AOPEP: variants seen among roughly 807,000 people sequenced by gnomAD.
AOPEP encodes the protein aminopeptidase O.
AOPEP carries 77 observed loss-of-function variants against 98.1 expected under a neutral mutation model. The observed-to-expected ratio is 0.78, with a 90% CI of 0.65 to 0.95. The LOEUF is 0.95. AOPEP is among the 40% of genes least tolerant of loss of function. The pLI, the probability that AOPEP is intolerant of heterozygous loss-of-function variation, is 0.00. For missense variants in AOPEP, 1,024 were observed against 1,024.7 expected (o/e 1.00, Z 0.01); for synonymous variants, 346 against 365.3 (o/e 0.95, Z 0.60).
the AOPEP span, among the ~76,000 whole-genome samples, chr9:95,096,432 G>A: frequency 6.6e-6 from 1 of 152,144 alleles, no homozygotes; most frequent in Non-Finnish European, 1.5e-5. Context: ...GGGAGCTGGT[G>A]GGTGCGGGAG....
chr9:94,921,873 G>C (rs1034798187), intron 5 of AOPEP, among the ~76,000 whole-genome samples: 1 of 152,290 alleles, frequency 6.6e-6, no homozygotes, highest in Non-Finnish European at 1.5e-5. Context: ...AGGATGTTCA[G>C]ACTTGGCCTC....
intron 5 of AOPEP, among the ~76,000 whole-genome samples, chr9:94,864,445 G>A (rs1016526104): frequency 6.6e-6 from 1 of 152,102 alleles, no homozygotes; most frequent in African/African-American, 2.4e-5. Flanking sequence ...GAGTTTTTTA[G>A]AGGGGAAAAA....
At chr9:95,050,449 C>T (rs2066244426) in intron 13 of AOPEP, among the ~76,000 whole-genome samples, 1 of 152,184 alleles carries the variant, frequency 6.6e-6, no homozygotes, top group Non-Finnish European at 1.5e-5. Flanking sequence ...GAATCCAAAA[C>T]TGCAGAATTT....
At chr9:94,927,435 T>G (rs1009032891) in intron 6 of AOPEP, among the ~76,000 whole-genome samples, 1 of 152,214 alleles carries the variant, frequency 6.6e-6, no homozygotes, top group Non-Finnish European at 1.5e-5. Flanking sequence ...AATGGTAGTC[T>G]GCTCCAGGCC....
the AOPEP span, among the ~76,000 whole-genome samples, chr9:95,144,233 A>G: frequency 1.3e-5 from 2 of 152,224 alleles, no homozygotes; most frequent in East Asian, 1.9e-4. Context: ...GAAAGTGTCC[A>G]TGGAGAGGCT....
intron 1 of AOPEP, among the ~76,000 whole-genome samples, chr9:94,741,215 A>G (rs984469008): frequency 6.6e-6 from 1 of 152,060 alleles, no homozygotes; most frequent in African/African-American, 2.4e-5. Flanking sequence ...TCTTTAAACC[A>G]TGGAAATTCA....
At chr9:95,117,324 C>G in the AOPEP span, 30 of 1,613,978 alleles carry the variant, frequency 1.9e-5, no homozygotes, top group Non-Finnish European at 1.7e-5. Context: ...CCTTGAGGGT[C>G]TTGCAGCAGC....
At chr9:94,971,513 G>A (rs1332374197) in intron 10 of AOPEP, among the ~76,000 whole-genome samples, 1 of 151,964 alleles carries the variant, frequency 6.6e-6, no homozygotes, top group African/African-American at 2.4e-5. Flanking sequence ...GTCTCCAAAG[G>A]CCCCACACCT....
At chr9:95,125,232 G>A in the AOPEP span, 1 of 1,506,708 alleles carries the variant, frequency 6.6e-7, no homozygotes, top group Non-Finnish European at 9.2e-7. Context: ...AAGTAATCCG[G>A]CAAACATGAA....
At chr9:94,746,525 A>T (rs1195235949) in intron 1 of AOPEP, among the ~76,000 whole-genome samples, 2 of 152,162 alleles carry the variant, frequency 1.3e-5, no homozygotes, top group Admixed American at 6.5e-5. Context: ...ACTCTGCTAT[A>T]ATTTAGTTTA....
intron 13 of AOPEP, among the ~76,000 whole-genome samples, chr9:95,031,176 C>G (rs78138222): frequency 0.039 from 5,869 of 152,208 alleles, 381 homozygotes; most frequent in African/African-American, 0.13. Context: ...GTTAACAGCA[C>G]AAAGTGTTAA....
intron 13 of AOPEP, among the ~76,000 whole-genome samples, chr9:95,040,721 C>T (rs2065213661): frequency 6.6e-6 from 1 of 152,234 alleles, no homozygotes; most frequent in East Asian, 1.9e-4. Context: ...GGTGGGACCA[C>T]ACATGACAGA....
At chr9:94,775,534 T>C (rs1335545460) in intron 3 of AOPEP, among the ~76,000 whole-genome samples, 1 of 152,088 alleles carries the variant, frequency 6.6e-6, no homozygotes, top group Non-Finnish European at 1.5e-5. Context: ...GCCCAACTAA[T>C]TTTTGTATTT....
At chr9:94,988,699 G>C (rs1439386363) in intron 11 of AOPEP, among the ~76,000 whole-genome samples, 2 of 152,146 alleles carry the variant, frequency 1.3e-5, no homozygotes, top group Non-Finnish European at 2.9e-5. Context: ...GTTCTTGCTG[G>C]AAGTCTAGCT....
the AOPEP span, among the ~76,000 whole-genome samples, chr9:95,146,053 A>AT: frequency 1.4e-4 from 21 of 152,216 alleles, no homozygotes; most frequent in East Asian, 2.9e-3. Flanking sequence ...TCCTGACTAG[A>AT]TATGTGATGA....
At chr9:94,902,444 G>C (rs1311650893) in intron 5 of AOPEP, among the ~76,000 whole-genome samples, 6 of 152,134 alleles carry the variant, frequency 3.9e-5, no homozygotes, top group Non-Finnish European at 7.3e-5. Flanking sequence ...CCCCTCTGAG[G>C]ACTAGAAGCA....
chr9:94,783,983 T>G (rs1251678046), intron 3 of AOPEP, among the ~76,000 whole-genome samples: 10 of 152,214 alleles, frequency 6.6e-5, no homozygotes, highest in Admixed American at 6.5e-4. Flanking sequence ...CACGTATCAA[T>G]TTGATATTTC....
At chr9:95,099,552 C>T in the AOPEP span, 1 of 230,738 alleles carries the variant, frequency 4.3e-6, no homozygotes, top group African/African-American at 2.2e-5. Flanking sequence ...CCGGCCGCCA[C>T]CTGTCTTGGA....
At chr9:94,810,573 C>G (rs557842933) in intron 5 of AOPEP, among the ~76,000 whole-genome samples, 1 of 152,166 alleles carries the variant, frequency 6.6e-6, no homozygotes, top group African/African-American at 2.4e-5. Flanking sequence ...CCTCAGCCCC[C>G]CAAAGTGCTG....
Sources: gnomAD v4.1 joint callset for allele counts (sites outside exome capture counted in the v4.1 genomes callset) on GRCh38, gnomAD v4.1.1 for gene constraint, MANE v1.5 for transcripts, NCBI Gene and HGNC (gene_info 2026-07-23, HGNC 2026-07-21) for gene names.